Variants in ABI1 observed in about 807,000 individuals in gnomAD.
ABI1 encodes abl interactor 1, also known as Abelson interactor 1.
Under a neutral mutation model 54.6 loss-of-function variants are expected in ABI1, and 14 were observed. That is an observed-to-expected ratio of 0.26 (90% CI 0.17 to 0.40). The LOEUF (loss-of-function observed/expected upper bound fraction) is 0.40. Among genes scored for constraint, ABI1 ranks in the 10% least tolerant of loss-of-function variants. ABI1 has a pLI of 1.00. For missense variants in ABI1, 443 were observed against 598.3 expected (o/e 0.74, Z 2.71); for synonymous variants, 194 against 209.3 (o/e 0.93, Z 0.63).
chr10:26,832,399 A>G lies in ABI1; in HGVS notation c.118-9094T>C, dbSNP rs548089944. Among the ~76,000 whole-genome samples, 166 of 152,030 alleles carry G rather than the reference A, an allele frequency of 1.1e-3. 1 individual carries two copies. Among genetic ancestry groups the G allele is most frequent in the East Asian group, 4.3e-3 (22 of 5,156 alleles). The stretch of plus-strand genomic sequence containing the variant: ...AGATCAAGACCATCCTGGCTAACAC[A>G]ATGAAACCCTATCTCTATTAAAAAA... On this transcript the variant is annotated intron_variant, in intron 1 of 10. Transcript: ENST00000376140.
intron 2 of ABI1, among the ~76,000 whole-genome samples, chr10:26,803,085 C>T (rs997717561): frequency 2.0e-5 from 3 of 152,112 alleles, no homozygotes; most frequent in South Asian, 2.1e-4. Flanking sequence ...ACAATTAAGA[C>T]GAAGCCTAAA....
At position 26,857,076 on chromosome 10, in the gene ABI1, T is replaced by G. The variant is rs549174166; in HGVS notation, c.117+3671A>C. On this transcript the variant is annotated intron_variant, in intron 1 of 10. Coordinates refer to ENST00000376140, the MANE Select transcript of ABI1 (RefSeq NM_001012750.3). Reference sequence around the variant, plus strand: ...GGCTCACACCTATAATCCCAACACTTTGGGAGGCCGAGGAGGGCAGATCAC... The same window carrying G: ...GGCTCACACCTATAATCCCAACACTGTGGGAGGCCGAGGAGGGCAGATCAC... Among the ~76,000 whole-genome samples the G allele has an allele frequency of 3.9e-5, 6 of 152,088 alleles. No individual in the cohort carries two copies. The South Asian group carries it at 1.2e-3, about 32-fold the overall frequency.
At chr10:26,846,798 C>G (rs1004472134) in intron 1 of ABI1, among the ~76,000 whole-genome samples, 2 of 152,136 alleles carry the variant, frequency 1.3e-5, no homozygotes, top group Non-Finnish European at 2.9e-5. Flanking sequence ...TTCACTCTTA[C>G]CTTTGAGCCT....
chr10:26,828,897 T>C (rs1455268662), intron 1 of ABI1, among the ~76,000 whole-genome samples: 1 of 152,120 alleles, frequency 6.6e-6, no homozygotes, highest in Non-Finnish European at 1.5e-5. Flanking sequence ...AAAATCCAGG[T>C]TAAGAAAGAA....
At chr10:26,775,842 G>C (rs1564482843) in intron 3 of ABI1, among the ~76,000 whole-genome samples, 1 of 152,186 alleles carries the variant, frequency 6.6e-6, no homozygotes, top group Non-Finnish European at 1.5e-5. Flanking sequence ...GGAGAAGTGA[G>C]TGCGAGTGTG....
At chr10:26,790,002 G>A (rs1225991771) in intron 2 of ABI1, among the ~76,000 whole-genome samples, 3 of 152,068 alleles carry the variant, frequency 2.0e-5, no homozygotes, top group South Asian at 2.1e-4. Context: ...TGGTGTATAC[G>A]TACCACACAT....
At chr10:26,836,332 C>T (rs993792979) in intron 1 of ABI1, among the ~76,000 whole-genome samples, 7 of 152,200 alleles carry the variant, frequency 4.6e-5, no homozygotes, top group Non-Finnish European at 5.9e-5. Flanking sequence ...AGCCTGGTCT[C>T]GAACTCCTGA....
chr10:26,838,320 C>T (rs1488742566), intron 1 of ABI1, among the ~76,000 whole-genome samples: 1 of 152,144 alleles, frequency 6.6e-6, no homozygotes, highest in Non-Finnish European at 1.5e-5. Flanking sequence ...CCGCACCCGG[C>T]CAACTCTTAA....
At chr10:26,755,764 G>A in intron 8 of ABI1, 23 bp from the exon 9 acceptor site, 2 of 1,523,022 alleles carry the variant, frequency 1.3e-6, no homozygotes, top group Non-Finnish European at 1.8e-6. Flanking sequence ...ACACAGTATG[G>A]GGGAAGTAAA....
intron 1 of ABI1, among the ~76,000 whole-genome samples, chr10:26,854,451 A>AG (rs1233278912): frequency 7.9e-6 from 1 of 126,484 alleles, no homozygotes; most frequent in Non-Finnish European, 1.6e-5. Context: ...GTGTGAAAGA[A>AG]GAAAAAAAAA....
At chr10:26,766,991 C>T (rs999384000) in intron 6 of ABI1, among the ~76,000 whole-genome samples, 1 of 152,088 alleles carries the variant, frequency 6.6e-6, no homozygotes, top group African/African-American at 2.4e-5. Context: ...ATATATATGG[C>T]CCACGAATCC....
intron 1 of ABI1, among the ~76,000 whole-genome samples, chr10:26,845,289 A>G (rs1449485310): frequency 6.6e-6 from 1 of 152,156 alleles, no homozygotes; most frequent in East Asian, 1.9e-4. Flanking sequence ...CATACTATAG[A>G]CCAATTTTCT....
At chr10:26,842,676 T>C (rs1010298365) in intron 1 of ABI1, among the ~76,000 whole-genome samples, 2 of 152,250 alleles carry the variant, frequency 1.3e-5, no homozygotes, top group East Asian at 1.9e-4. Context: ...AATACAAAAA[T>C]CAGGGTTTTA....
intron 1 of ABI1, among the ~76,000 whole-genome samples, chr10:26,840,944 G>A (rs996675342): frequency 6.6e-6 from 1 of 152,138 alleles, no homozygotes; most frequent in Non-Finnish European, 1.5e-5. Flanking sequence ...TTCTAGCATA[G>A]TAATTAAAAT....
In ABI1 at chr10:26,787,724, T is replaced by C. The variant is rs138279627; in HGVS notation, c.286-10483A>G. Reference sequence around the variant, plus strand: ...TCATACATTTTTCTTCAACTTTACATAGCAAAAGCAGCAGTCTGACATTAA... The same window carrying C: ...TCATACATTTTTCTTCAACTTTACACAGCAAAAGCAGCAGTCTGACATTAA... On this transcript the variant is annotated intron_variant, in intron 2 of 10. Coordinates refer to ENST00000376140, the MANE Select transcript of ABI1 (RefSeq NM_001012750.3). Among the ~76,000 whole-genome samples, 229 of 152,268 alleles carry C rather than the reference T, an allele frequency of 1.5e-3. 2 individuals are homozygous for C. In the East Asian group the frequency reaches 0.039, roughly 26 times the overall value.
chr10:26,771,672 TCTAA>T (rs1365657469), intron 3 of ABI1, among the ~76,000 whole-genome samples: 1 of 152,200 alleles, frequency 6.6e-6, no homozygotes, highest in Admixed American at 6.5e-5. Context: ...TTAGCCAGAT[TCTAA>T]CTAAGAAATA....
intron 1 of ABI1, among the ~76,000 whole-genome samples, chr10:26,852,430 G>T (rs1212068682): frequency 6.6e-6 from 1 of 152,162 alleles, no homozygotes; most frequent in East Asian, 1.9e-4. Flanking sequence ...GGTGAGCAGA[G>T]ATTGTGCCAT....
intron 2 of ABI1, among the ~76,000 whole-genome samples, chr10:26,810,344 C>T (rs115930478): frequency 4.4e-4 from 67 of 152,162 alleles, no homozygotes; most frequent in African/African-American, 1.5e-3. Context: ...TGCACCAGCC[C>T]CACTCTTCAA....
intron 1 of ABI1, among the ~76,000 whole-genome samples, chr10:26,841,114 A>G (rs551969045): frequency 1.3e-5 from 2 of 152,356 alleles, no homozygotes; most frequent in South Asian, 2.1e-4. Context: ...TAATTGTGTC[A>G]GACCATATGG....
Sources: gnomAD v4.1 joint callset for allele counts (sites outside exome capture counted in the v4.1 genomes callset) on GRCh38, gnomAD v4.1.1 for gene constraint, MANE v1.5 for transcripts, NCBI Gene and HGNC (gene_info 2026-07-23, HGNC 2026-07-21) for gene names.